CFAP100: variants seen among roughly 807,000 people sequenced by gnomAD.
CFAP100 encodes the protein cilia and flagella associated protein 100, also known as cilia- and flagella-associated protein 100.
Under a neutral mutation model 81.5 loss-of-function variants are expected in CFAP100, and 70 were observed. The observed-to-expected ratio is 0.86, with a 90% CI of 0.71 to 1.05. The LOEUF is 1.05. Ranked by LOEUF, CFAP100 falls within the 50% of genes least tolerant of loss-of-function variation. CFAP100 has a pLI of 0.00. For missense variants in CFAP100, 811 were observed against 776.5 expected (o/e 1.04, Z -0.53); for synonymous variants, 341 against 314.8 (o/e 1.08, Z -0.88).
Position 126,434,159 on chromosome 3 carries a change from A to G in CFAP100, c.1423-17A>G, listed in dbSNP as rs767085462. On this transcript the variant is annotated splice_polypyrimidine_tract_variant and intron_variant, in intron 14 of 16. Coordinates refer to ENST00000352312, the MANE Select transcript of CFAP100 (RefSeq NM_182628.3). Reference sequence around the variant, plus strand: ...TTCCGCCTGCCAGCACCCTGCTGGAAGCCACCTCCTCCACAGGATAAGCTG... The same window carrying G: ...TTCCGCCTGCCAGCACCCTGCTGGAGGCCACCTCCTCCACAGGATAAGCTG... 1.9e-6 allele frequency: 3 copies of G among 1,592,426 alleles called. No homozygotes were observed. The South Asian group carries it at 3.4e-5, about 18-fold the overall frequency.
At chr3:126,426,648 G>T (rs1932954271) in intron 13 of CFAP100, among the ~76,000 whole-genome samples, 1 of 152,192 alleles carries the variant, frequency 6.6e-6, no homozygotes, top group African/African-American at 2.4e-5. Context: ...TACTTGGGAG[G>T]CTGAGGCAGG....
intron 13 of CFAP100, among the ~76,000 whole-genome samples, chr3:126,425,516 A>G (rs137943980): frequency 6.6e-6 from 1 of 152,342 alleles, no homozygotes; most frequent in East Asian, 1.9e-4. Flanking sequence ...CCAATTCTCT[A>G]CAATCACTTT....
intron 3 of CFAP100, among the ~76,000 whole-genome samples, chr3:126,413,505 G>A (rs752172595): frequency 4.9e-4 from 75 of 152,214 alleles, no homozygotes; most frequent in African/African-American, 1.6e-3. Context: ...CATCAGCTCC[G>A]TCTCTGAATT....
intron 2 of CFAP100, among the ~76,000 whole-genome samples, chr3:126,397,602 G>T (rs1459720686): frequency 6.6e-6 from 1 of 152,206 alleles, no homozygotes; most frequent in Non-Finnish European, 1.5e-5. Flanking sequence ...GATTGATTGA[G>T]GGCCTGTGCA....
At position 126,418,458 on chromosome 3, in the gene CFAP100, A is replaced by G; in HGVS notation, c.419A>G (p.Glu140Gly). The change falls in exon 6 of 17, where the codon GAA becomes GGA. Residue 140 changes from glutamate to glycine, a missense_variant and splice_region_variant. Physicochemically the swap from Glu to Gly is moderately conservative, Grantham distance 98. Coordinates refer to ENST00000352312, the MANE Select transcript of CFAP100 (RefSeq NM_182628.3). ...YTTWKLTLTK[E>G]KNVEPENMSG... Reference sequence around the variant, plus strand: ...GCTCACCTCCCTCTTCTTCCAGCAGAAAAGAATGTGGAGCCTGAGAACATG... The same window carrying G: ...GCTCACCTCCCTCTTCTTCCAGCAGGAAAGAATGTGGAGCCTGAGAACATG... 1 of 1,614,020 alleles carries G rather than the reference A, an allele frequency of 6.2e-7. No homozygotes were observed. The highest frequency in any genetic ancestry group is 1.1e-5 in the South Asian group (1 of 91,082).
intron 13 of CFAP100, among the ~76,000 whole-genome samples, chr3:126,426,280 T>C (rs183427423): frequency 5.9e-4 from 90 of 151,514 alleles, no homozygotes; most frequent in African/African-American, 2.1e-3. Flanking sequence ...CTGGGCAACA[T>C]AGTGAGACCA....
At chr3:126,417,230 C>T (rs940270006) in intron 5 of CFAP100, among the ~76,000 whole-genome samples, 1 of 152,216 alleles carries the variant, frequency 6.6e-6, no homozygotes, top group Non-Finnish European at 1.5e-5. Context: ...CCTTTCCTGG[C>T]TGATAACAGT....
At chr3:126,401,227 A>G (rs4467400) in intron 2 of CFAP100, among the ~76,000 whole-genome samples, 151,792 of 151,792 alleles carry the variant, frequency 1, 75,896 homozygotes, top group Non-Finnish European at 1. Flanking sequence ...TCAGTTTGGG[A>G]TGATGAAAAG....
chr3:126,428,088 T>C (rs1050253378), intron 13 of CFAP100, among the ~76,000 whole-genome samples: 3 of 152,162 alleles, frequency 2.0e-5, no homozygotes, highest in Non-Finnish European at 2.9e-5. Context: ...GGGATTACAA[T>C]TGAACATGAG....
In CFAP100 at chr3:126,419,923, G is replaced by T; in HGVS notation, c.914-57G>T. On this transcript the variant is annotated intron_variant, in intron 9 of 16. Coordinates refer to ENST00000352312, the MANE Select transcript of CFAP100 (RefSeq NM_182628.3). ...CCTGCAGGCATCTGGGCCACATGGC[G>T]TTGCTGAAGCTTGGCTGCAGCTGAG... The T allele has an allele frequency of 2.5e-6, 4 of 1,612,256 alleles. No homozygotes were observed. In the South Asian group the frequency reaches 3.3e-5, roughly 13 times the overall value.
chr3:126,419,774 A>G lies in CFAP100; in HGVS notation c.869A>G (p.Glu290Gly), dbSNP rs200251364. 3.1e-6 allele frequency: 5 copies of G among 1,614,018 alleles called. No homozygotes were observed. The highest frequency in any genetic ancestry group is 3.3e-4 in the Middle Eastern group (2 of 6,036). The change falls in exon 9 of 17, where the codon GAG becomes GGG. Residue 290 changes from glutamate to glycine, a missense_variant. Physicochemically the swap from Glu to Gly is moderately conservative, Grantham distance 98. Transcript: ENST00000352312. ...CTCAAAAAGGCCAAGGAGGTCTCCG[A>G]GGCTTCCAAAGAGAGCAGTGTTAAC... ...SFLKKAKEVS[E>G]ASKESSVNST...
intron 4 of CFAP100, among the ~76,000 whole-genome samples, chr3:126,414,978 T>C (rs1483009848): frequency 6.6e-6 from 1 of 152,126 alleles, no homozygotes; most frequent in Non-Finnish European, 1.5e-5. Flanking sequence ...ATGCACAGGC[T>C]TCAGCCCTGC....
chr3:126,424,274 G>T (rs2083378461), intron 13 of CFAP100, among the ~76,000 whole-genome samples: 1 of 152,248 alleles, frequency 6.6e-6, no homozygotes, highest in Non-Finnish European at 1.5e-5. Flanking sequence ...GCTGAGACGG[G>T]CAGGGATGGG....
intron 15 of CFAP100, among the ~76,000 whole-genome samples, chr3:126,434,989 C>G (rs1393174673): frequency 6.6e-6 from 1 of 152,142 alleles, no homozygotes; most frequent in Non-Finnish European, 1.5e-5. Context: ...GGGGTTGTGG[C>G]TTCCCTGGCC....
intron 3 of CFAP100, among the ~76,000 whole-genome samples, chr3:126,410,571 G>A (rs548701634): frequency 2.4e-4 from 37 of 151,670 alleles, no homozygotes; most frequent in Non-Finnish European, 4.0e-4. Flanking sequence ...GTGCCATCTC[G>A]GCTCACTGCA....
At position 126,416,521 on chromosome 3, in the gene CFAP100, C is replaced by A. The variant is rs761271172; in HGVS notation, c.418+13C>A. ...ACCTTGACCAAAGGTGCGTCCCCTC[C>A]GGCGCGGGGGGACCTGGGCCAGTGG... On this transcript the variant is annotated intron_variant, in intron 5 of 16. Coordinates refer to ENST00000352312, the MANE Select transcript of CFAP100 (RefSeq NM_182628.3). 17 of 1,551,688 alleles carry A rather than the reference C, an allele frequency of 1.1e-5. No homozygotes were observed. Among genetic ancestry groups the A allele is most frequent in the Non-Finnish European group, 1.4e-5 (16 of 1,146,760 alleles).
rs375110270 is a variant in CFAP100 at position 126,416,417 on chromosome 3, G to C, written c.327G>C (p.Glu109Asp). ...HTSLRRQLQL[E>D]DKQEDLEARA... ...GCCTGCGGCGGCAGCTGCAGCTGGA[G>C]GACAAGCAGGAGGACCTGGAGGCGC... The change falls in exon 5 of 17, where the codon GAG becomes GAC. Residue 109 changes from glutamate to aspartate, a missense_variant. Coordinates refer to ENST00000352312, the MANE Select transcript of CFAP100 (RefSeq NM_182628.3). 1.1e-5 allele frequency: 18 copies of C among 1,611,984 alleles called. No homozygotes were observed. Among genetic ancestry groups the C allele is most frequent in the Non-Finnish European group, 1.5e-5 (18 of 1,179,586 alleles).
At chr3:126,431,406 C>T (rs1301434687) in intron 13 of CFAP100, among the ~76,000 whole-genome samples, 2 of 152,128 alleles carry the variant, frequency 1.3e-5, no homozygotes, top group Admixed American at 6.5e-5. Context: ...TCTCCTTCCC[C>T]CAACAGGAGA....
rs745596014 is a variant in CFAP100, at chr3:126,423,510, C to G, written c.1152C>G (p.Phe384Leu). The G allele has an allele frequency of 1.9e-6, 3 of 1,613,976 alleles. No homozygotes were observed. The African/African-American group carries it at 4.0e-5, about 22-fold the overall frequency. Reference protein sequence around the residue: ...DSDGEEPQLYFTEPQQLLDVF... With the variant: ...DSDGEEPQLYLTEPQQLLDVF... ...GGTTGCAGGAACCACAGCTGTACTT[C>G]ACGGAGCCCCAGCAGCTCCTGGATG... The change falls in exon 13 of 17, where the codon TTC (phenylalanine) becomes TTG (leucine). Residue 384 changes from phenylalanine (F) to leucine (L), a missense_variant. Physicochemically the swap from Phe to Leu is conservative, Grantham distance 22. Coordinates refer to ENST00000352312, the MANE Select transcript of CFAP100 (RefSeq NM_182628.3).
Sources: allele counts gnomAD v4.1 joint callset (sites outside exome capture counted in the v4.1 genomes callset), GRCh38; gene constraint gnomAD v4.1.1; transcripts MANE v1.5; gene names NCBI Gene and HGNC (gene_info 2026-07-23, HGNC 2026-07-21).